The following RIT1 variants were observed in gnomAD, a reference collection of about 807,000 sequenced individuals.
RIT1 encodes Ras like without CAAX 1.
RIT1 carries 6 observed loss-of-function variants against 25.6 expected under a neutral mutation model. The ratio of observed to expected loss-of-function variants is 0.23; its 90% CI spans 0.13 to 0.46. The LOEUF is 0.46. Among genes scored for constraint, RIT1 ranks in the 20% least tolerant of loss-of-function variants. The probability of loss-of-function intolerance (pLI) is 0.99; values close to 1 mark genes in which losing one functional copy is unlikely to be tolerated. For missense variants in RIT1, 219 were observed against 284.4 expected (o/e 0.77, Z 1.65); for synonymous variants, 81 against 94.1 (o/e 0.86, Z 0.80).
rs910739453 is a variant in RIT1, at chr1:155,899,599, G to A, written c.*789C>T. The A allele has an allele frequency of 2.7e-5, 6 of 222,716 alleles. No individual in the cohort carries two copies. The highest frequency in any genetic ancestry group is 4.5e-5 in the African/African-American group (2 of 44,582). 13.8% of individuals were successfully genotyped at this position (222,716 alleles called of 1,614,324 possible). On this transcript the variant is annotated 3_prime_UTR_variant, in exon 6 of 6. Transcript: ENST00000368323. The stretch of plus-strand genomic sequence containing the variant: ...CCAACTATGAATTTTGATTAAACAC[G>A]TTTAGTAATACAGTTATGATTCCCA...
chr1:155,901,877 T>A (rs898535750), intron 5 of RIT1, among the ~76,000 whole-genome samples: 1 of 151,848 alleles, frequency 6.6e-6, no homozygotes, highest in Non-Finnish European at 1.5e-5. Context: ...TTTGGGAGGC[T>A]GAAGCAGGCA....
At position 155,899,561 on chromosome 1, in the gene RIT1, G is replaced by C; in HGVS notation, c.*827C>G. ...GTGGGGAAAAAATAAACCTGTACAA[G>C]GCAATGGCTGATCCAACTATGAATT... On this transcript the variant is annotated 3_prime_UTR_variant, in exon 6 of 6. Coordinates refer to ENST00000368323, the MANE Select transcript of RIT1 (RefSeq NM_006912.6). 1 of 225,222 alleles carries C rather than the reference G, an allele frequency of 4.4e-6. No homozygotes were observed. The highest frequency in any genetic ancestry group is 6.4e-5 in the East Asian group (1 of 15,644). 14.0% of individuals were successfully genotyped at this position (225,222 alleles called of 1,614,324 possible).
intron 5 of RIT1, 40 bp downstream of exon 5, chr1:155,904,271 T>C (rs1199944658): frequency 7.2e-7 from 1 of 1,379,502 alleles, no homozygotes; most frequent in South Asian, 1.3e-5. Flanking sequence ...AATGACTAAT[T>C]GTATAAGATT....
At chr1:155,909,406 C>A (rs1282352775) in intron 3 of RIT1, among the ~76,000 whole-genome samples, 1 of 151,382 alleles carries the variant, frequency 6.6e-6, no homozygotes, top group Non-Finnish European at 1.5e-5. Context: ...AAGAAAATAA[C>A]AGTACAGCTG....
chr1:155,910,373 ATAGT>A lies in RIT1; in HGVS notation c.163+73_163+76del, dbSNP rs936557863. On this transcript the variant is annotated intron_variant, in intron 3 of 5. Coordinates refer to ENST00000368323, the MANE Select transcript of RIT1 (RefSeq NM_006912.6). ...ACTCCAAAAAAGCCTCAAAATATAA[ATAGT>A]TAGAAACTACTGATATTCATTAAGA... 35 of 1,260,894 alleles carry A rather than the reference ATAGT, an allele frequency of 2.8e-5. No individual in the cohort carries two copies. The Admixed American group carries it at 6.4e-4, about 23-fold the overall frequency. 78.1% of individuals were successfully genotyped at this position (1,260,894 alleles called of 1,614,324 possible).
intron 3 of RIT1, 142 bp downstream of exon 3, chr1:155,910,308 C>A: frequency 3.0e-6 from 2 of 674,880 alleles, no homozygotes; most frequent in South Asian, 1.9e-5. Flanking sequence ...AGTTGCTTAC[C>A]AACTGCTGAT....
rs141566906 is a variant in RIT1, at chr1:155,899,259, A to G, written c.*1129T>C. The G allele has an allele frequency of 2.9e-4, 59 of 205,040 alleles. No individual in the cohort carries two copies. The East Asian group carries it at 3.1e-3, about 11-fold the overall frequency. 12.7% of individuals were successfully genotyped at this position (205,040 alleles called of 1,614,324 possible). A position where few individuals can be genotyped will look rare whatever the true frequency, so the allele number is the denominator to read the frequency against. On this transcript the variant is annotated 3_prime_UTR_variant, in exon 6 of 6. Coordinates refer to ENST00000368323, the MANE Select transcript of RIT1 (RefSeq NM_006912.6). Reference sequence around the variant, plus strand: ...GATGAACTTAGCAAAGTCCTTGTAAAGAAATCTTCAGATGGGAAACTCCAC... The same window carrying G: ...GATGAACTTAGCAAAGTCCTTGTAAGGAAATCTTCAGATGGGAAACTCCAC...
At chr1:155,907,163 G>A (rs2102587400) in intron 3 of RIT1, among the ~76,000 whole-genome samples, 1 of 146,128 alleles carries the variant, frequency 6.8e-6, no homozygotes, top group Admixed American at 6.9e-5. Flanking sequence ...GTGAGGTAAA[G>A]TTTCATAATA....
Position 155,898,508 on chromosome 1 carries a change from A to ATAT in RIT1, c.*1879_*1880insATA, listed in dbSNP as rs1673233058. 1 of 112,504 alleles carries ATAT rather than the reference A, an allele frequency of 8.9e-6. No individual in the cohort carries two copies. The highest frequency in any genetic ancestry group is 3.4e-5 in the African/African-American group (1 of 29,240). The allele number at this position is 112,504 out of a possible 1,614,324, so 7.0% of individuals were successfully genotyped here. ...ATCTCTATTTAAAAAAAAAAAAAAA[A>ATAT]AAAAAAAAAAATATATATATATATA... is the stretch of plus-strand genomic sequence containing the variant. On this transcript the variant is annotated 3_prime_UTR_variant, in exon 6 of 6. Transcript: ENST00000368323.
chr1:155,904,211 G>T, intron 5 of RIT1, 100 bp downstream of exon 5: 1 of 943,536 alleles, frequency 1.1e-6, no homozygotes, highest in Non-Finnish European at 1.6e-6. Context: ...TCTATTTTAA[G>T]GCAAAAAAAT....
chr1:155,900,704 A>C (rs1673296020), intron 5 of RIT1, 86 bp from the exon 6 acceptor site: 12 of 1,069,656 alleles, frequency 1.1e-5, no homozygotes, highest in East Asian at 2.4e-5. Flanking sequence ...CTTAACACAA[A>C]GAAAGCTTCT....
chr1:155,910,368 TATAA>T, intron 3 of RIT1, 78 bp downstream of exon 3: 2 of 1,238,912 alleles, frequency 1.6e-6, no homozygotes, highest in Non-Finnish European at 2.3e-6. Flanking sequence ...AGCCTCAAAA[TATAA>T]ATAGTTAGAA....
Position 155,900,301 on chromosome 1 carries a change from G to T in RIT1, c.*87C>A, listed in dbSNP as rs1027035053. On this transcript the variant is annotated 3_prime_UTR_variant, in exon 6 of 6. Coordinates refer to ENST00000368323, the MANE Select transcript of RIT1 (RefSeq NM_006912.6). The stretch of plus-strand genomic sequence containing the variant: ...TGTCCCTCTTATCAGTTAAGTGAAA[G>T]AGCAAGCACCATACTCAGTACTGCA... The T allele has an allele frequency of 8.9e-6, 8 of 900,670 alleles. No homozygotes were observed. Among genetic ancestry groups the T allele is most frequent in the South Asian group, 1.5e-5 (1 of 64,618 alleles). 55.8% of individuals were successfully genotyped at this position (900,670 alleles called of 1,614,324 possible).
At position 155,900,572 on chromosome 1, in the gene RIT1, G is replaced by T; in HGVS notation, c.476C>A (p.Pro159His). The T allele has an allele frequency of 6.2e-7, 1 of 1,614,126 alleles. No homozygotes were observed. The highest frequency in any genetic ancestry group is 1.1e-5 in the South Asian group (1 of 91,078). Residue 159 changes from proline to histidine, a missense_variant, in exon 6 of 6, where the codon CCC (proline) becomes CAC (histidine). Coordinates refer to ENST00000368323, the MANE Select transcript of RIT1 (RefSeq NM_006912.6). Reference protein sequence around the residue: ...GLALAREFSCPFFETSAAYRY... With the variant: ...GLALAREFSCHFFETSAAYRY... ...GTATGCAGCAGATGTCTCAAAAAAG[G>T]GACAGCTGAATTCTCGGGCCAAGGC...
chr1:155,903,245 G>A (rs1242044537), intron 5 of RIT1, among the ~76,000 whole-genome samples: 3 of 151,674 alleles, frequency 2.0e-5, no homozygotes, highest in South Asian at 2.1e-4. Flanking sequence ...GCAGTGAGCA[G>A]AGATCGTGCC....
At chr1:155,908,188 G>C (rs900926994) in intron 3 of RIT1, among the ~76,000 whole-genome samples, 3 of 151,422 alleles carry the variant, frequency 2.0e-5, no homozygotes, top group African/African-American at 7.3e-5. Flanking sequence ...GGGCACGGTG[G>C]CTCACGCCTG....
chr1:155,899,538 G>A lies in RIT1; in HGVS notation c.*850C>T, dbSNP rs1241314993. 10 of 224,356 alleles carry A rather than the reference G, an allele frequency of 4.5e-5. No homozygotes were observed. The highest frequency in any genetic ancestry group is 8.0e-5 in the Non-Finnish European group (9 of 112,398). 13.9% of individuals were successfully genotyped at this position (224,356 alleles called of 1,614,324 possible). On this transcript the variant is annotated 3_prime_UTR_variant, in exon 6 of 6. Coordinates refer to ENST00000368323, the MANE Select transcript of RIT1 (RefSeq NM_006912.6). ...TAAATGTGTTGGTGTGTGCGTCTGT[G>A]GGGAAAAAATAAACCTGTACAAGGC...
rs375935351 is a variant in RIT1, at chr1:155,909,921, C to CAAAAA, written c.163+524_163+528dup. On this transcript the variant is annotated intron_variant, in intron 3 of 5. Transcript: ENST00000368323. ...TGGGAGACAGTGCGAGACTCCATCT[C>CAAAAA]AAAAAAAAAAAAAAAACAACAGACA... Among the ~76,000 whole-genome samples the CAAAAA allele has an allele frequency of 7.4e-5, 8 of 108,584 alleles. 1 individual carries two copies. Among genetic ancestry groups the CAAAAA allele is most frequent in the East Asian group, 2.7e-4 (1 of 3,746 alleles). The allele number at this position is 108,584 out of a possible 152,430, so 71.2% of individuals were successfully genotyped here. A position where few individuals can be genotyped will look rare whatever the true frequency, so the allele number is the denominator to read the frequency against.
chr1:155,911,178 T>G (rs2102591776), intron 1 of RIT1, 65 bp downstream of exon 1: 20 of 451,352 alleles, frequency 4.4e-5, no homozygotes, highest in Non-Finnish European at 5.5e-5. Context: ...CCCCTCCCCA[T>G]TCTCCTCCGA....
Sources: allele counts gnomAD v4.1 joint callset (sites outside exome capture counted in the v4.1 genomes callset), GRCh38; gene constraint gnomAD v4.1.1; transcripts MANE v1.5; gene names NCBI Gene and HGNC (gene_info 2026-07-23, HGNC 2026-07-21).